TENM3: variants seen among roughly 807,000 people sequenced by gnomAD.
TENM3 encodes the protein teneurin-3.
In TENM3, 63 loss-of-function variants were observed where a neutral mutation model predicts 255.1. The observed-to-expected ratio is 0.25, with a 90% CI of 0.20 to 0.30. The LOEUF is 0.30. TENM3 is among the 10% of genes least tolerant of loss of function. The pLI is 1.00. For missense variants in TENM3, 2,929 were observed against 3,461.1 expected, an observed-to-expected ratio of 0.85 and a Z score of 3.86; for synonymous variants, 1,306 against 1,322.3, an observed-to-expected ratio of 0.99 and a Z score of 0.27.
the TENM3 span, among the ~76,000 whole-genome samples, chr4:182,100,802 TATATACAC>T: frequency 0.77 from 20,602 of 26,868 alleles, 8,361 homozygotes; most frequent in Admixed American, 0.85. Context: ...TATACACATA[TATATACAC>T]ATATATATAC....
At chr4:181,917,663 CT>C in the TENM3 span, among the ~76,000 whole-genome samples, 594 of 127,434 alleles carry the variant, frequency 4.7e-3, no homozygotes, top group Middle Eastern at 8.3e-3. Context: ...TTTTTTTTTT[CT>C]TTTTTTTTTT....
At chr4:181,847,598 T>A in the TENM3 span, among the ~76,000 whole-genome samples, 1 of 152,060 alleles carries the variant, frequency 6.6e-6, no homozygotes, top group East Asian at 1.9e-4. Flanking sequence ...TTGTAATGTA[T>A]GATTGATAAA....
chr4:182,081,858 T>A, the TENM3 span: 3 of 152,106 alleles, frequency 2.0e-5, no homozygotes, highest in Non-Finnish European at 4.4e-5. Context: ...ACTATTCCTG[T>A]GTCTTTTAGG....
At chr4:182,506,187 C>CA (rs1475603044) in intron 3 of TENM3, among the ~76,000 whole-genome samples, 3 of 152,186 alleles carry the variant, frequency 2.0e-5, no homozygotes, top group Non-Finnish European at 2.9e-5. Flanking sequence ...TAGCCCTGTG[C>CA]ATATGACCCC....
chr4:182,444,837 G>T (rs1047217997), intron 3 of TENM3, among the ~76,000 whole-genome samples: 1 of 152,068 alleles, frequency 6.6e-6, no homozygotes, highest in African/African-American at 2.4e-5. Flanking sequence ...TTCCTGCCCA[G>T]CTGCCCAGGC....
At chr4:181,986,022 T>C in the TENM3 span, among the ~76,000 whole-genome samples, 1 of 152,040 alleles carries the variant, frequency 6.6e-6, no homozygotes. Flanking sequence ...AATCCACAGA[T>C]TGAATGGGCT....
At chr4:182,455,447 T>G (rs1188495709) in intron 3 of TENM3, among the ~76,000 whole-genome samples, 9 of 151,980 alleles carry the variant, frequency 5.9e-5, no homozygotes, top group African/African-American at 2.2e-4. Context: ...CACCCTCTAC[T>G]GCTCCTCCAC....
chr4:181,959,040 G>T, the TENM3 span, among the ~76,000 whole-genome samples: 40 of 152,088 alleles, frequency 2.6e-4, no homozygotes, highest in African/African-American at 8.4e-4. Context: ...ATGGTTTTTT[G>T]TTGTTGTTGT....
At chr4:182,464,536 C>T (rs1425225721) in intron 3 of TENM3, among the ~76,000 whole-genome samples, 3 of 152,082 alleles carry the variant, frequency 2.0e-5, no homozygotes, top group African/African-American at 4.8e-5. Context: ...GGATTACAGG[C>T]GTGAGCCACC....
chr4:182,194,428 G>C (rs1753713666), intron 1 of TENM3, among the ~76,000 whole-genome samples: 1 of 152,206 alleles, frequency 6.6e-6, no homozygotes, highest in South Asian at 2.1e-4. Context: ...ACTAGGAATT[G>C]ATGTATCTTT....
At chr4:182,136,991 A>C in the TENM3 span, among the ~76,000 whole-genome samples, 1 of 151,310 alleles carries the variant, frequency 6.6e-6, no homozygotes, top group Non-Finnish European at 1.5e-5. Flanking sequence ...CCCACCCAAT[A>C]CAACGTTGTG....
chr4:181,888,096 C>G, the TENM3 span, among the ~76,000 whole-genome samples: 306 of 152,128 alleles, frequency 2.0e-3, no homozygotes, highest in African/African-American at 6.8e-3. Flanking sequence ...GTGGAATAAT[C>G]TCAGCTCACT....
chr4:182,474,312 CTTA>C (rs1733451839), intron 3 of TENM3, among the ~76,000 whole-genome samples: 1 of 152,138 alleles, frequency 6.6e-6, no homozygotes, highest in Non-Finnish European at 1.5e-5. Context: ...TGAAAATATT[CTTA>C]TTTGTAGGCA....
At position 182,792,973 on chromosome 4, in the gene TENM3, T is replaced by C. The variant is rs1483273093; in HGVS notation, c.6301T>C (p.Trp2101Arg). Residue 2101 changes from tryptophan (W) to arginine (R), a missense_variant, in exon 26 of 28, where the codon TGG becomes CGG. By Grantham distance (101) the Trp-to-Arg change is moderately radical. Around this residue, in one of 6 missense-constraint regions of TENM3, gnomAD observed 256 missense variants for 389.3 expected, o/e 0.66. Transcript: ENST00000511685. The surrounding 1 kb of genome is among the most constrained non-coding windows in gnomAD (Gnocchi z 6.3). ...QYEIFRSLMY[W>R]ITIQYDNMGR... ...TGAGATATTCAGGTCGCTCATGTACTGGATTACAATTCAGTATGATAACAT... is the reference window on the plus strand; with the variant it reads ...TGAGATATTCAGGTCGCTCATGTACCGGATTACAATTCAGTATGATAACAT... The C allele has an allele frequency of 6.2e-7, 1 of 1,613,928 alleles. No homozygotes were observed. Among genetic ancestry groups the C allele is most frequent in the Non-Finnish European group, 8.5e-7 (1 of 1,179,842 alleles).
chr4:182,617,666 T>C (rs1446920064), intron 4 of TENM3, among the ~76,000 whole-genome samples: 2 of 152,346 alleles, frequency 1.3e-5, no homozygotes, highest in East Asian at 1.9e-4. Flanking sequence ...GTCTTTCTTA[T>C]TGACACATTG....
chr4:182,673,437 G>T (rs1456070271), intron 7 of TENM3, among the ~76,000 whole-genome samples: 1 of 152,152 alleles, frequency 6.6e-6, no homozygotes, highest in Non-Finnish European at 1.5e-5. Flanking sequence ...TGTTTAAAAT[G>T]TACTGAATTT....
chr4:181,662,191 T>C, the TENM3 span, among the ~76,000 whole-genome samples: 1 of 152,214 alleles, frequency 6.6e-6, no homozygotes, highest in Non-Finnish European at 1.5e-5. Context: ...ACGGAGGTTT[T>C]ATCCACTCTG....
intron 3 of TENM3, among the ~76,000 whole-genome samples, chr4:182,564,932 A>G (rs1373149994): frequency 6.6e-6 from 1 of 152,226 alleles, no homozygotes; most frequent in Non-Finnish European, 1.5e-5. Flanking sequence ...ACAACATGAC[A>G]GTATAAATAT....
At chr4:181,667,569 G>T in the TENM3 span, among the ~76,000 whole-genome samples, 5 of 152,084 alleles carry the variant, frequency 3.3e-5, no homozygotes, top group Non-Finnish European at 5.9e-5. Context: ...TTATGGAGGG[G>T]AGTGGATTTC....
Sources: gnomAD v4.1 joint callset for allele counts (sites outside exome capture counted in the v4.1 genomes callset) on GRCh38, gnomAD v4.1.1 for gene constraint, gnomAD v4.1.1 regional missense constraint, Gnocchi (gnomAD v3.1) non-coding constraint, MANE v1.5 for transcripts, NCBI Gene and HGNC (gene_info 2026-07-23, HGNC 2026-07-21) for gene names.